The following RCSD1 variants were observed in gnomAD, a reference collection of about 807,000 sequenced individuals.
The protein encoded by RCSD1 is capZ-interacting protein.
In RCSD1, 26 loss-of-function variants were observed where a neutral mutation model predicts 42.5. That is an observed-to-expected ratio of 0.61 (90% CI 0.45 to 0.85). The LOEUF (loss-of-function observed/expected upper bound fraction) is 0.85. Among genes scored for constraint, RCSD1 ranks in the 40% least tolerant of loss-of-function variants. The pLI, the probability that RCSD1 is intolerant of heterozygous loss-of-function variation, is 0.00. For missense variants in RCSD1, 571 were observed against 528.3 expected (o/e 1.08, Z -0.79); for synonymous variants, 220 against 212.2 (o/e 1.04, Z -0.32).
chr1:167,671,693 C>T (rs1462761865), intron 1 of RCSD1, among the ~76,000 whole-genome samples: 2 of 152,214 alleles, frequency 1.3e-5, no homozygotes, highest in African/African-American at 4.8e-5. Flanking sequence ...AACCCCAGGC[C>T]ACACATGTCT....
intron 1 of RCSD1, among the ~76,000 whole-genome samples, chr1:167,679,927 A>C (rs1001605933): frequency 6.6e-6 from 1 of 152,158 alleles, no homozygotes; most frequent in African/African-American, 2.4e-5. Context: ...GCGGAGGGGA[A>C]GTTCCATGCT....
At chr1:167,704,600 G>T in intron 6 of RCSD1, 64 bp from the exon 7 acceptor site, 1 of 1,359,238 alleles carries the variant, frequency 7.4e-7, no homozygotes. Flanking sequence ...CCCCAAGGAG[G>T]GATGCTGAGT....
At chr1:167,633,325 T>C (rs983347721) in intron 1 of RCSD1, among the ~76,000 whole-genome samples, 12 of 152,102 alleles carry the variant, frequency 7.9e-5, no homozygotes, top group African/African-American at 2.9e-4. Context: ...AGATCATGAG[T>C]TCTGCAGGAG....
intron 1 of RCSD1, among the ~76,000 whole-genome samples, chr1:167,674,624 C>G (rs1443818310): frequency 2.0e-5 from 3 of 152,156 alleles, no homozygotes; most frequent in African/African-American, 7.2e-5. Flanking sequence ...AGCTATCACC[C>G]CACCTCCTGT....
intron 1 of RCSD1, among the ~76,000 whole-genome samples, chr1:167,672,602 C>T (rs556177905): frequency 2.6e-4 from 40 of 152,282 alleles, no homozygotes; most frequent in Non-Finnish European, 2.9e-5. Flanking sequence ...ATCACTCTGA[C>T]TCTCACTCTT....
intron 1 of RCSD1, among the ~76,000 whole-genome samples, chr1:167,669,729 T>C (rs1016051841): frequency 2.6e-5 from 4 of 152,328 alleles, no homozygotes; most frequent in South Asian, 2.1e-4. Flanking sequence ...TCTTGACTGA[T>C]GGTCCTCTCC....
At chr1:167,657,538 G>A (rs909162649) in intron 1 of RCSD1, among the ~76,000 whole-genome samples, 1 of 152,166 alleles carries the variant, frequency 6.6e-6, no homozygotes, top group Non-Finnish European at 1.5e-5. Flanking sequence ...CCTAAAAACA[G>A]CTTCAAGGTG....
intron 6 of RCSD1, among the ~76,000 whole-genome samples, chr1:167,703,434 G>C (rs535406366): frequency 6.6e-6 from 1 of 152,106 alleles, no homozygotes; most frequent in Middle Eastern, 3.2e-3. Flanking sequence ...CATGAGGATC[G>C]CTGGAGCCCA....
chr1:167,704,552 A>G, intron 6 of RCSD1, 112 bp from the exon 7 acceptor site: 1 of 889,414 alleles, frequency 1.1e-6, no homozygotes, highest in Non-Finnish European at 1.8e-6. Flanking sequence ...CATTCTTACT[A>G]TTACTCCTAC....
chr1:167,644,909 C>A (rs759150669), intron 1 of RCSD1, among the ~76,000 whole-genome samples: 2 of 152,354 alleles, frequency 1.3e-5, no homozygotes, highest in South Asian at 2.1e-4. Context: ...ATTCTGATTT[C>A]TCACGTGGTC....
chr1:167,654,753 A>G (rs1658385074), intron 1 of RCSD1, among the ~76,000 whole-genome samples: 1 of 152,198 alleles, frequency 6.6e-6, no homozygotes, highest in Non-Finnish European at 1.5e-5. Context: ...TCAGTTAGGT[A>G]ACCATAATCT....
chr1:167,670,832 T>G (rs1306603672), intron 1 of RCSD1, among the ~76,000 whole-genome samples: 1 of 152,074 alleles, frequency 6.6e-6, no homozygotes, highest in Non-Finnish European at 1.5e-5. Flanking sequence ...CAGTCCCCAA[T>G]TCTGGTCAGT....
intron 1 of RCSD1, 67 bp downstream of exon 1, chr1:167,630,496 G>T: frequency 6.9e-7 from 1 of 1,458,376 alleles, no homozygotes; most frequent in Non-Finnish European, 9.1e-7. Flanking sequence ...CCTTCCCCGG[G>T]CGGCTGCCCC....
In RCSD1 at chr1:167,693,326, C is replaced by T. The variant is rs566735644; in HGVS notation, c.271-773C>T. ...CGTTCTCCCCATGGACGCCTTCGGGCATCTGGGACCACCTGCCTCCTCCCC... is the reference window on the plus strand; with the variant it reads ...CGTTCTCCCCATGGACGCCTTCGGGTATCTGGGACCACCTGCCTCCTCCCC... On this transcript the variant is annotated intron_variant, in intron 4 of 6. Transcript: ENST00000367854. 1.9e-3 allele frequency among the ~76,000 whole-genome samples: 288 copies of T among 152,362 alleles called. 3 individuals are homozygous for T. The highest frequency in any genetic ancestry group is 6.8e-3 in the African/African-American group (281 of 41,596).
chr1:167,678,172 TTC>T (rs1343410923), intron 1 of RCSD1, among the ~76,000 whole-genome samples: 3 of 152,172 alleles, frequency 2.0e-5, no homozygotes, highest in East Asian at 1.9e-4. Context: ...CTCTTCCCTA[TTC>T]TCTGTTTCCT....
intron 1 of RCSD1, among the ~76,000 whole-genome samples, chr1:167,668,416 G>A (rs1192633956): frequency 6.6e-6 from 1 of 151,994 alleles, no homozygotes; most frequent in Non-Finnish European, 1.5e-5. Flanking sequence ...GCCACCCTCT[G>A]ACTAACCCTC....
At chr1:167,694,854 A>G (rs745677732) in intron 5 of RCSD1, among the ~76,000 whole-genome samples, 1 of 152,056 alleles carries the variant, frequency 6.6e-6, no homozygotes, top group African/African-American at 2.4e-5. Context: ...TACAGATGCA[A>G]CCCTGATCCT....
rs1433526940 is a variant in RCSD1, at chr1:167,694,155, T to C, written c.327T>C (p.Pro109=). 7 of 1,614,220 alleles carry C rather than the reference T, an allele frequency of 4.3e-6. No individual in the cohort carries two copies. Among genetic ancestry groups the C allele is most frequent in the Non-Finnish European group, 5.9e-6 (7 of 1,180,032 alleles). Residue 109 remains proline, a synonymous_variant, in exon 5 of 7, where the codon CCT becomes CCC. Transcript: ENST00000367854. ...TGCCTGGGGCCTCACCCAAGAGTCC[T>C]GGACTCAAGGCTATGGTGTCGCCAT... ...ALLPGASPKS[P]GLKAMVSPFH...
At chr1:167,642,369 G>A (rs1042149861) in intron 1 of RCSD1, among the ~76,000 whole-genome samples, 9 of 152,150 alleles carry the variant, frequency 5.9e-5, no homozygotes, top group Non-Finnish European at 8.8e-5. Context: ...AGTCTTACAC[G>A]GCTTTTGTGG....
Sources: gnomAD v4.1 joint callset for allele counts (sites outside exome capture counted in the v4.1 genomes callset) on GRCh38, gnomAD v4.1.1 for gene constraint, MANE v1.5 for transcripts, NCBI Gene and HGNC (gene_info 2026-07-23, HGNC 2026-07-21) for gene names.